Variants in JAK1 observed in about 807,000 individuals in gnomAD.
JAK1 encodes the protein tyrosine-protein kinase JAK1.
In JAK1, 16 loss-of-function variants were observed where a neutral mutation model predicts 136.6. The ratio of observed to expected loss-of-function variants is 0.12; its 90% confidence interval spans 0.08 to 0.18. The LOEUF is 0.18. Ranked by LOEUF, JAK1 falls within the 10% of genes least tolerant of loss-of-function variation. The pLI is 1.00. For synonymous variants in JAK1, 492 were observed against 519.5 expected, an observed-to-expected ratio of 0.95 and a Z score of 0.72; for missense variants, 859 against 1,450.1, an observed-to-expected ratio of 0.59 and a Z score of 6.62.
chr1:64,886,156 A>T, intron 2 of JAK1, 103 bp downstream of exon 2: 1 of 701,434 alleles, frequency 1.4e-6, no homozygotes, highest in Non-Finnish European at 2.4e-6. Flanking sequence ...TCAAAAAATT[A>T]AAGGCAATAG....
intron 2 of JAK1, among the ~76,000 whole-genome samples, chr1:64,982,086 ACACACACACACACACG>A (rs1206106436): frequency 1.0e-5 from 1 of 96,646 alleles, no homozygotes; most frequent in African/African-American, 5.6e-5. Context: ...GTTAAATAAC[ACACACACACACACACG>A]CACACACACA....
intron 1 of JAK1, among the ~76,000 whole-genome samples, chr1:64,919,818 C>T (rs1645464487): frequency 6.6e-6 from 1 of 152,056 alleles, no homozygotes; most frequent in Admixed American, 6.6e-5. Flanking sequence ...CAAGTAGCTA[C>T]TATAAAAACA....
chr1:64,857,020 G>A (rs1486321600), intron 10 of JAK1, among the ~76,000 whole-genome samples: 2 of 152,172 alleles, frequency 1.3e-5, no homozygotes, highest in Non-Finnish European at 2.9e-5. Context: ...TTAATTACAT[G>A]AATAACAAAG....
chr1:65,030,569 G>C (rs1173976094), intron 2 of JAK1, among the ~76,000 whole-genome samples: 1 of 150,954 alleles, frequency 6.6e-6, no homozygotes. Context: ...GTCTCACCCT[G>C]TCACCCAGGC....
intron 2 of JAK1, among the ~76,000 whole-genome samples, chr1:65,011,557 T>A (rs1646849239): frequency 6.6e-6 from 1 of 152,158 alleles, no homozygotes; most frequent in African/African-American, 2.4e-5. Context: ...AGAAAAAAGG[T>A]GAGAAAATAT....
At position 64,850,906 on chromosome 1, in the gene JAK1, G is replaced by A. The variant is rs762672682; in HGVS notation, c.1653C>T (p.Ile551=). ...TCTTAGTAGCCACCAGCAGGTTGGA[G>A]ATTTCTGTGGAAGAGATTGGGGGAG... is the stretch of plus-strand genomic sequence containing the variant. ...KRCCQPKPRE[I]SNLLVATKKA... Residue 551 remains isoleucine (I), a synonymous_variant, in exon 12 of 25, where the codon ATC becomes ATT. Coordinates refer to ENST00000342505, the MANE Select transcript of JAK1 (RefSeq NM_002227.4). 1 of 1,609,448 alleles carries A rather than the reference G, an allele frequency of 6.2e-7. No homozygotes were observed. Among genetic ancestry groups the A allele is most frequent in the South Asian group, 1.1e-5 (1 of 90,950 alleles).
intron 1 of JAK1, among the ~76,000 whole-genome samples, chr1:64,895,768 G>T (rs1049295918): frequency 2.0e-5 from 3 of 152,170 alleles, no homozygotes; most frequent in African/African-American, 7.2e-5. Flanking sequence ...TACCCACAAA[G>T]CATGGAAGGT....
rs1009068389 is a variant in JAK1, at chr1:64,844,692, TTC to T, written c.2251+60_2251+61del. 2 of 1,603,832 alleles carry T rather than the reference TTC, an allele frequency of 1.2e-6. No homozygotes were observed. The highest frequency in any genetic ancestry group is 2.7e-5 in the African/African-American group (2 of 74,586). On this transcript the variant is annotated intron_variant, in intron 16 of 24. Coordinates refer to ENST00000342505, the MANE Select transcript of JAK1 (RefSeq NM_002227.4). The surrounding 1 kb of genome is among the most constrained non-coding windows in gnomAD (Gnocchi z 5.7). ...AAGGAGACCAACCCCAGCCCAGCCC[TTC>T]TCTCTGCTGACTTGCCCCTGACTCG...
intron 4 of JAK1, among the ~76,000 whole-genome samples, chr1:64,877,534 C>T (rs1425811120): frequency 1.3e-5 from 2 of 152,086 alleles, no homozygotes; most frequent in African/African-American, 4.8e-5. Flanking sequence ...TCTACAATGC[C>T]TCAATTGTAA....
intron 2 of JAK1, among the ~76,000 whole-genome samples, chr1:65,031,966 T>C (rs539369490): frequency 3.5e-4 from 53 of 151,314 alleles, no homozygotes; most frequent in Admixed American, 8.5e-4. Context: ...TTTTTCTTTT[T>C]TTTTTTTTTT....
intron 1 of JAK1, among the ~76,000 whole-genome samples, chr1:64,926,233 T>C (rs1645579727): frequency 6.6e-6 from 1 of 152,054 alleles, no homozygotes; most frequent in Non-Finnish European, 1.5e-5. Context: ...TGCTATTGTC[T>C]CCAGACCCCA....
intron 2 of JAK1, among the ~76,000 whole-genome samples, chr1:65,021,753 T>C (rs528719740): frequency 2.4e-4 from 37 of 152,322 alleles, no homozygotes; most frequent in African/African-American, 8.2e-4. Context: ...CCCTAATGCC[T>C]GGGGGTAAGA....
chr1:64,854,027 ATG>A (rs1291879109), intron 11 of JAK1, among the ~76,000 whole-genome samples: 27 of 152,234 alleles, frequency 1.8e-4, no homozygotes, highest in Non-Finnish European at 3.4e-4. Flanking sequence ...CAAGTGGCAG[ATG>A]TGTTTTTACC....
At chr1:64,974,617 A>G (rs570573622) in intron 2 of JAK1, 4 of 152,246 alleles carry the variant, frequency 2.6e-5, no homozygotes, top group Non-Finnish European at 4.4e-5. Flanking sequence ...AGGATTAGCC[A>G]GGCAAGAGAT....
intron 2 of JAK1, among the ~76,000 whole-genome samples, chr1:65,013,403 A>C (rs1237826836): frequency 6.6e-6 from 1 of 151,958 alleles, no homozygotes; most frequent in Non-Finnish European, 1.5e-5. Flanking sequence ...CTAAAAAAAA[A>C]AAAACAAAAA....
intron 19 of JAK1, among the ~76,000 whole-genome samples, chr1:64,840,175 AG>A (rs1654798811): frequency 6.6e-6 from 1 of 152,246 alleles, no homozygotes; most frequent in Non-Finnish European, 1.5e-5. Flanking sequence ...CAAATGCATG[AG>A]GAGTCTTTAG....
intron 8 of JAK1, among the ~76,000 whole-genome samples, chr1:64,864,354 G>A (rs1434026574): frequency 6.6e-6 from 1 of 152,254 alleles, no homozygotes; most frequent in East Asian, 1.9e-4. Context: ...GGGTGTGCCT[G>A]ACACCATATC....
In JAK1 at chr1:64,891,280, T is replaced by G. The variant is rs550682237; in HGVS notation, c.-77-4939A>C. On this transcript the variant is annotated intron_variant, in intron 1 of 24. Transcript: ENST00000342505. ...CAGGAGTCAAACACGTGACTACTGA[T>G]TCTAAGGACCCTGCTCGTTCCACAG... 3.9e-5 allele frequency among the ~76,000 whole-genome samples: 6 copies of G among 152,300 alleles called. No individual in the cohort carries two copies. In the East Asian group the frequency reaches 9.6e-4, roughly 24 times the overall value.
chr1:65,037,329 TG>T (rs112660520), intron 2 of JAK1, among the ~76,000 whole-genome samples: 16 of 151,856 alleles, frequency 1.1e-4, no homozygotes, highest in South Asian at 8.3e-4. Flanking sequence ...TTTTTAGAGA[TG>T]GGGGGGGTCT....
Sources: allele counts gnomAD v4.1 joint callset (sites outside exome capture counted in the v4.1 genomes callset), GRCh38; gene constraint gnomAD v4.1.1; non-coding constraint Gnocchi (gnomAD v3.1); transcripts MANE v1.5; gene names NCBI Gene and HGNC (gene_info 2026-07-23, HGNC 2026-07-21).